Variants in FBN1 observed in about 807,000 individuals in gnomAD.
The protein encoded by FBN1 is fibrillin 1.
Under a neutral mutation model 365.1 loss-of-function variants are expected in FBN1, and 29 were observed. The observed-to-expected ratio is 0.08, with a 90% CI of 0.06 to 0.11. The LOEUF (loss-of-function observed/expected upper bound fraction) is 0.11. FBN1 is among the 10% of genes least tolerant of loss of function. The pLI is 1.00. For missense variants in FBN1, 2,476 were observed against 3,703.2 expected (o/e 0.67, Z 8.60); for synonymous variants, 1,210 against 1,270.5 (o/e 0.95, Z 1.01).
intron 6 of FBN1, among the ~76,000 whole-genome samples, chr15:48,571,021 G>A (rs566564952): frequency 6.6e-6 from 1 of 152,202 alleles, no homozygotes; most frequent in Non-Finnish European, 1.5e-5. Context: ...CCAGAGAAAG[G>A]CCAAAGATCT....
At chr15:48,486,069 C>G (rs2043504040) in intron 29 of FBN1, among the ~76,000 whole-genome samples, 1 of 152,208 alleles carries the variant, frequency 6.6e-6, no homozygotes, top group Admixed American at 6.5e-5. Context: ...AATGATTACA[C>G]TGTGGCCAGG....
In FBN1 at chr15:48,503,791, A is replaced by C; in HGVS notation, c.2109T>G (p.Asn703Lys). 6.2e-7 allele frequency: 1 copy of C among 1,613,818 alleles called. No homozygotes were observed. Among genetic ancestry groups the C allele is most frequent in the Non-Finnish European group, 8.5e-7 (1 of 1,179,914 alleles). ...GEPCQPCPAQ[N>K]SAEYQALCSS... ...CATCTCCATGATACCACATACCTGA[A>C]TTCTGTGCAGGACACGGCTGGCAAG... Residue 703 changes from asparagine to lysine, a missense_variant, in exon 17 of 66, where the codon AAT becomes AAG. Around this residue, in one of 5 missense-constraint regions of FBN1, gnomAD observed 1,780 missense variants for 2,840.8 expected, o/e 0.63. Transcript: ENST00000316623.
chr15:48,437,937 C>T lies in FBN1; in HGVS notation c.6164-20G>A. On this transcript the variant is annotated intron_variant, in intron 50 of 65. Transcript: ENST00000316623. ...GCAAATCTGCAGCATAAATTTATGA[C>T]ACCCTTCAGTTGCTTTCCTACTGAG... 1 of 1,613,332 alleles carries T rather than the reference C, an allele frequency of 6.2e-7. No individual in the cohort carries two copies. The highest frequency in any genetic ancestry group is 8.5e-7 in the Non-Finnish European group (1 of 1,179,572).
At chr15:48,579,197 C>T (rs1046861187) in intron 6 of FBN1, among the ~76,000 whole-genome samples, 26 of 152,034 alleles carry the variant, frequency 1.7e-4, no homozygotes, top group African/African-American at 6.3e-4. Context: ...GCTTGTATGT[C>T]ATAACAAATA....
intron 60 of FBN1, among the ~76,000 whole-genome samples, chr15:48,424,877 GA>G (rs1392863130): frequency 6.6e-6 from 1 of 152,164 alleles, no homozygotes; most frequent in Non-Finnish European, 1.5e-5. Flanking sequence ...ATGTCTCAGG[GA>G]AGCTCCTACA....
chr15:48,534,827 G>A (rs2044001753), intron 7 of FBN1, among the ~76,000 whole-genome samples: 2 of 152,196 alleles, frequency 1.3e-5, no homozygotes, highest in Non-Finnish European at 2.9e-5. Flanking sequence ...ATTGTTAGGT[G>A]AGTGAGTGTG....
At chr15:48,637,965 T>C (rs559513405) in intron 2 of FBN1, among the ~76,000 whole-genome samples, 33 of 152,250 alleles carry the variant, frequency 2.2e-4, no homozygotes, top group Admixed American at 1.6e-3. Flanking sequence ...TAAACAGGCA[T>C]GGATTTGTTT....
Position 48,460,286 on chromosome 15 carries a change from C to T in FBN1, c.5256G>A (p.Arg1752=), listed in dbSNP as rs1597543480. 1.2e-6 allele frequency: 2 copies of T among 1,613,348 alleles called. No homozygotes were observed. Among genetic ancestry groups the T allele is most frequent in the Admixed American group, 1.7e-5 (1 of 59,986 alleles). The change falls in exon 43 of 66, where the codon AGG becomes AGA. Residue 1752 remains arginine (R), a synonymous_variant. Transcript: ENST00000316623. ...TATAAATGTCGATGACAAAGCCTGG[C>T]CTTTGACTTCCACAGAGTGTAGCAA... ...DEFATLCGSQ[R]PGFVIDIYTG...
rs1190410675 is a variant in FBN1, at chr15:48,437,330, G to A, written c.6371C>T (p.Ser2124Leu). 2 of 1,613,224 alleles carry A rather than the reference G, an allele frequency of 1.2e-6. No individual in the cohort carries two copies. Among genetic ancestry groups the A allele is most frequent in the Non-Finnish European group, 1.7e-6 (2 of 1,179,484 alleles). The stretch of plus-strand genomic sequence containing the variant: ...CAGCACAGGCAACTGACCAACTGCT[G>A]AATCATCAGGTCCCACGATGATCCC... ...GSGIIVGPDD[S>L]AVDMDECKEP... The change falls in exon 52 of 66, where the codon TCA (serine) becomes TTA (leucine). Residue 2124 changes from serine to leucine, a missense_variant. Physicochemically the swap from Ser to Leu is moderately radical, Grantham distance 145 (BLOSUM62 -2). This residue lies in a region of FBN1 where 1,780 missense variants were observed against 2,840.8 expected (regional missense o/e 0.63). Transcript: ENST00000316623.
At position 48,472,607 on chromosome 15, in the gene FBN1, T is replaced by C. The variant is rs1555397548; in HGVS notation, c.4280A>G (p.Tyr1427Cys). ...NGQCLNAPGG[Y>C]RCECDMGFVP... ...GAAGCCCATGTCGCATTCACAGCGG[T>C]ATCCTCCTGGTGCATTGAGGCACTG... is the stretch of plus-strand genomic sequence containing the variant. Residue 1427 changes from tyrosine to cysteine, a missense_variant, in exon 35 of 66, where the codon TAC (tyrosine) becomes TGC (cysteine). Tyr to Cys is a radical substitution (Grantham distance 194, BLOSUM62 -2). Around this residue, in one of 5 missense-constraint regions of FBN1, gnomAD observed 1,780 missense variants for 2,840.8 expected, o/e 0.63. Transcript: ENST00000316623. The C allele has an allele frequency of 6.2e-7, 1 of 1,614,182 alleles. No individual in the cohort carries two copies. The highest frequency in any genetic ancestry group is 1.3e-5 in the African/African-American group (1 of 75,044).
chr15:48,465,969 C>T (rs2043318415), intron 38 of FBN1, 111 bp from the exon 39 acceptor site: 2 of 786,776 alleles, frequency 2.5e-6, no homozygotes, highest in Admixed American at 2.0e-5. Context: ...TTTCAGGAAT[C>T]TTTAGTTGTT....
rs193922228 is a variant in FBN1 at position 48,430,736 on chromosome 15, A to G, written c.6806T>C (p.Ile2269Thr). ...TEKQMECKNL[I>T]GTYMCICGPG... The stretch of plus-strand genomic sequence containing the variant: ...TCCACAGATGCACATATATGTGCCA[A>G]TGAGGTTCTTGCATTCCATTTGTTT... Residue 2269 changes from isoleucine (I) to threonine (T), a missense_variant, in exon 56 of 66, where the codon ATT becomes ACT. Coordinates refer to ENST00000316623, the MANE Select transcript of FBN1 (RefSeq NM_000138.5). The G allele has an allele frequency of 1.2e-6, 2 of 1,613,510 alleles. No individual in the cohort carries two copies. The highest frequency in any genetic ancestry group is 1.7e-5 in the Admixed American group (1 of 59,994).
At chr15:48,600,307 T>A in intron 4 of FBN1, 73 bp from the exon 5 acceptor site, 2 of 1,064,302 alleles carry the variant, frequency 1.9e-6, no homozygotes, top group Non-Finnish European at 2.9e-6. Context: ...AGGAGTTGAT[T>A]TGTAGTTATT....
intron 16 of FBN1, among the ~76,000 whole-genome samples, 165 bp from the exon 17 acceptor site, chr15:48,504,104 A>C (rs758938906): frequency 6.6e-6 from 1 of 152,236 alleles, no homozygotes; most frequent in Non-Finnish European, 1.5e-5. Context: ...ACAAAAACAG[A>C]AAAACAAAAC....
At chr15:48,453,539 A>G (rs2043218294) in intron 44 of FBN1, among the ~76,000 whole-genome samples, 1 of 152,112 alleles carries the variant, frequency 6.6e-6, no homozygotes, top group Admixed American at 6.6e-5. Context: ...TTTTAGGGCA[A>G]TGAGATTATT....
In FBN1 at chr15:48,515,534, G is replaced by C. The variant is rs1437729065; in HGVS notation, c.1328-7C>G. On this transcript the variant is annotated splice_region_variant and splice_polypyrimidine_tract_variant and intron_variant, in intron 11 of 65. Transcript: ENST00000316623. Reference sequence around the variant, plus strand: ...ACGTTTACTGGCAGCACCCCTAGAAGAACATTAAGCCCCATTAAAATTATT... The same window carrying C: ...ACGTTTACTGGCAGCACCCCTAGAACAACATTAAGCCCCATTAAAATTATT... 1.9e-6 allele frequency: 3 copies of C among 1,613,670 alleles called. No individual in the cohort carries two copies. In the African/African-American group the frequency reaches 4.0e-5, roughly 22 times the overall value.
intron 18 of FBN1, 101 bp downstream of exon 18, chr15:48,498,884 C>G (rs1214859536): frequency 2.6e-6 from 3 of 1,138,212 alleles, no homozygotes; most frequent in African/African-American, 3.0e-5. Flanking sequence ...GAGAGGGAGT[C>G]AGGCCAGACT....
chr15:48,563,288 G>A (rs879302175), intron 6 of FBN1, among the ~76,000 whole-genome samples: 3 of 152,164 alleles, frequency 2.0e-5, no homozygotes, highest in Non-Finnish European at 2.9e-5. Context: ...TAATGGTAAT[G>A]TGATAAAGAG....
chr15:48,540,571 T>G (rs2044050695), intron 6 of FBN1, among the ~76,000 whole-genome samples: 1 of 152,180 alleles, frequency 6.6e-6, no homozygotes, highest in Non-Finnish European at 1.5e-5. Flanking sequence ...AATTCTTCAT[T>G]ATTACACATA....
Sources: gnomAD v4.1 joint callset for allele counts (sites outside exome capture counted in the v4.1 genomes callset) on GRCh38, gnomAD v4.1.1 for gene constraint, gnomAD v4.1.1 regional missense constraint, MANE v1.5 for transcripts, NCBI Gene and HGNC (gene_info 2026-07-23, HGNC 2026-07-21) for gene names.